ASCC1: variants seen among roughly 807,000 people sequenced by gnomAD.
ASCC1 encodes the protein activating signal cointegrator 1 complex subunit 1.
ASCC1 carries 35 observed loss-of-function variants against 46.6 expected under a neutral mutation model. The observed-to-expected ratio is 0.75, with a 90% CI of 0.57 to 0.99. ASCC1 has a LOEUF of 0.99. ASCC1 is among the 50% of genes least tolerant of loss of function. The pLI is 0.00. For synonymous variants in ASCC1, 143 were observed against 146.6 expected, an observed-to-expected ratio of 0.98 and a Z score of 0.18; for missense variants, 376 against 428.7, an observed-to-expected ratio of 0.88 and a Z score of 1.09.
chr10:72,106,281 T>G (rs1015544289), intron 9 of ASCC1, among the ~76,000 whole-genome samples: 3 of 151,648 alleles, frequency 2.0e-5, no homozygotes, highest in African/African-American at 7.3e-5. Context: ...AAACCAACCT[T>G]TAGAATATAA....
intron 5 of ASCC1, among the ~76,000 whole-genome samples, chr10:72,196,337 G>A (rs1855421248): frequency 6.7e-6 from 1 of 148,892 alleles, no homozygotes; most frequent in African/African-American, 2.5e-5. Flanking sequence ...GGACTGCAGT[G>A]GCACGATCTT....
intron 1 of ASCC1, chr10:72,215,929 G>A (rs1222104776): frequency 6.6e-6 from 1 of 152,308 alleles, no homozygotes; most frequent in Non-Finnish European, 1.5e-5. Flanking sequence ...AGGAGGACCC[G>A]GAATTCCTCT....
chr10:72,198,042 GAGC>G (rs1440215805), intron 4 of ASCC1, among the ~76,000 whole-genome samples: 1 of 8,248 alleles, frequency 1.2e-4, no homozygotes, highest in Non-Finnish European at 2.5e-4. Flanking sequence ...AGGGAAGGGG[GAGC>G]AGGGAAGGGG....
chr10:72,214,793 A>C (rs1316457526), intron 1 of ASCC1, among the ~76,000 whole-genome samples: 2 of 152,184 alleles, frequency 1.3e-5, no homozygotes, highest in African/African-American at 4.8e-5. Context: ...CATACCAAAC[A>C]ATCAGTTCCA....
At chr10:72,211,960 G>T (rs1159186980) in intron 2 of ASCC1, among the ~76,000 whole-genome samples, 1 of 152,174 alleles carries the variant, frequency 6.6e-6, no homozygotes, top group Non-Finnish European at 1.5e-5. Context: ...AAGGCAAGAG[G>T]ATCACCCGAA....
At chr10:72,097,778 C>A (rs907640395) in intron 9 of ASCC1, among the ~76,000 whole-genome samples, 1 of 152,266 alleles carries the variant, frequency 6.6e-6, no homozygotes, top group Non-Finnish European at 1.5e-5. Context: ...CATGGCCACA[C>A]CCTGACTCAC....
chr10:72,104,511 GA>G (rs773123277), intron 9 of ASCC1, among the ~76,000 whole-genome samples: 2 of 152,104 alleles, frequency 1.3e-5, no homozygotes, highest in Non-Finnish European at 2.9e-5. Context: ...AACTAAACAT[GA>G]AGAACAAAGT....
At chr10:72,186,934 A>C (rs1478906806) in intron 5 of ASCC1, among the ~76,000 whole-genome samples, 3 of 148,266 alleles carry the variant, frequency 2.0e-5, no homozygotes, top group Non-Finnish European at 4.4e-5. Flanking sequence ...AAGCGGATGC[A>C]CATGCACATG....
intron 5 of ASCC1, among the ~76,000 whole-genome samples, chr10:72,169,920 G>A (rs1564688666): frequency 6.6e-6 from 1 of 152,152 alleles, no homozygotes; most frequent in Non-Finnish European, 1.5e-5. Flanking sequence ...AGGAGTTCGA[G>A]ACCAGCCTGG....
intron 7 of ASCC1, among the ~76,000 whole-genome samples, chr10:72,150,185 CA>C (rs1203103055): frequency 1.6e-3 from 216 of 133,250 alleles, no homozygotes; most frequent in African/African-American, 1.8e-3. Context: ...AACTCTGTCT[CA>C]AAAAAAAAAA....
chr10:72,124,717 CAACA>C (rs1844635032), intron 9 of ASCC1, among the ~76,000 whole-genome samples: 1 of 145,344 alleles, frequency 6.9e-6, no homozygotes, highest in African/African-American at 2.7e-5. Flanking sequence ...GCTAAACAAA[CAACA>C]TCTTTTTTTT....
chr10:72,209,467 C>G (rs758672587), intron 3 of ASCC1, among the ~76,000 whole-genome samples: 1 of 151,950 alleles, frequency 6.6e-6, no homozygotes, highest in Non-Finnish European at 1.5e-5. Flanking sequence ...GGCAACAGTG[C>G]GACACCCTGT....
At position 72,103,399 on chromosome 10, in the gene ASCC1, T is replaced by C. The variant is rs543153742; in HGVS notation, c.958-5949A>G. On this transcript the variant is annotated intron_variant, in intron 9 of 9. Transcript: ENST00000672957. ...CACCCGCCTCAGCCTCCCAAAGTGC[T>C]GGGATTACAGGCGTGAGCCACCGCG... 2.0e-5 allele frequency among the ~76,000 whole-genome samples: 3 copies of C among 152,292 alleles called. No individual in the cohort carries two copies. In the South Asian group the frequency reaches 6.2e-4, roughly 32 times the overall value.
Position 72,116,027 on chromosome 10 carries a change from G to T in ASCC1, c.957+12055C>A, listed in dbSNP as rs551313379. Among the ~76,000 whole-genome samples the T allele has an allele frequency of 2.0e-5, 3 of 152,226 alleles. No homozygotes were observed. The South Asian group carries it at 6.2e-4, about 32-fold the overall frequency. ...GCATCTATCGTAAACATTGCAAAAA[G>T]ACACAGCCAAGAATCAACAAACTTT... On this transcript the variant is annotated intron_variant, in intron 9 of 9. Transcript: ENST00000672957.
chr10:72,120,586 A>G (rs1204834771), intron 9 of ASCC1, among the ~76,000 whole-genome samples: 4 of 151,616 alleles, frequency 2.6e-5, no homozygotes, highest in African/African-American at 9.7e-5. Context: ...CAAGCAGAAT[A>G]AAGACCAAAA....
At position 72,132,424 on chromosome 10, in the gene ASCC1, T is replaced by C. The variant is rs115520365; in HGVS notation, c.871+633A>G. ...CAAATCAAGGATTAAAACAAGGCAT[T>C]TTTATAAAAAGGCTCAGAGTCCATG... On this transcript the variant is annotated intron_variant, in intron 8 of 9. Coordinates refer to ENST00000672957, the MANE Select transcript of ASCC1 (RefSeq NM_001198800.3). Among the ~76,000 whole-genome samples, 1,417 of 152,290 alleles carry C rather than the reference T, an allele frequency of 9.3e-3. 14 individuals are homozygous for C. The highest frequency in any genetic ancestry group is 0.033 in the African/African-American group (1,351 of 41,556).
intron 7 of ASCC1, among the ~76,000 whole-genome samples, chr10:72,141,617 G>A (rs889371189): frequency 1.3e-5 from 2 of 152,100 alleles, no homozygotes; most frequent in East Asian, 1.9e-4. Flanking sequence ...TACCAGCAAT[G>A]ACCTTCTCAT....
intron 2 of ASCC1, among the ~76,000 whole-genome samples, chr10:72,212,798 A>G (rs1589669589): frequency 6.6e-6 from 1 of 152,152 alleles, no homozygotes; most frequent in Non-Finnish European, 1.5e-5. Flanking sequence ...CAGTGAGTGG[A>G]GATCACATTA....
intron 9 of ASCC1, among the ~76,000 whole-genome samples, chr10:72,120,611 G>A (rs2132130934): frequency 6.7e-6 from 1 of 149,516 alleles, no homozygotes; most frequent in Non-Finnish European, 1.5e-5. Flanking sequence ...AAAAAAAATT[G>A]TACCTAGGCA....
Sources: gnomAD v4.1 joint callset for allele counts (sites outside exome capture counted in the v4.1 genomes callset) on GRCh38, gnomAD v4.1.1 for gene constraint, MANE v1.5 for transcripts, NCBI Gene and HGNC (gene_info 2026-07-23, HGNC 2026-07-21) for gene names.